Variants in OMA1 observed in about 807,000 individuals in gnomAD.
OMA1 encodes OMA1 zinc metallopeptidase.
Under a neutral mutation model 30.9 loss-of-function variants are expected in OMA1, and 38 were observed. That is an observed-to-expected ratio of 1.23 (90% CI 0.95 to 1.61). The LOEUF (loss-of-function observed/expected upper bound fraction) is 1.61, where lower values mean the gene tolerates loss of function less well. OMA1 is among the 40% of genes most tolerant of loss of function. OMA1 has a pLI of 0.00. For missense variants in OMA1, 461 were observed against 349.2 expected (o/e 1.32, Z -2.55); for synonymous variants, 173 against 121.9 (o/e 1.42, Z -2.76).
intron 7 of OMA1, among the ~76,000 whole-genome samples, chr1:58,519,835 A>G (rs1280675596): frequency 6.6e-6 from 1 of 152,250 alleles, no homozygotes; most frequent in African/African-American, 2.4e-5. Context: ...GAAATTTATA[A>G]AAGAGCATCA....
intron 8 of OMA1, among the ~76,000 whole-genome samples, chr1:58,493,814 A>C (rs1241319803): frequency 2.6e-5 from 4 of 152,110 alleles, no homozygotes; most frequent in African/African-American, 9.7e-5. Flanking sequence ...GGTAGGAAGA[A>C]TCAATATGGT....
chr1:58,497,195 C>T (rs1645817123), intron 8 of OMA1, among the ~76,000 whole-genome samples: 1 of 152,156 alleles, frequency 6.6e-6, no homozygotes, highest in African/African-American at 2.4e-5. Context: ...ATTATATGTA[C>T]TCACCAATTC....
intron 7 of OMA1, 53 bp from the exon 8 acceptor site, chr1:58,506,262 T>A (rs1001785250): frequency 1.9e-5 from 15 of 796,942 alleles, no homozygotes; most frequent in Middle Eastern, 2.4e-4. Flanking sequence ...GAGGATTTTT[T>A]AAAAACTACT....
chr1:58,543,737 G>A (rs562883459), intron 1 of OMA1, among the ~76,000 whole-genome samples: 157 of 151,998 alleles, frequency 1.0e-3, no homozygotes, highest in Non-Finnish European at 2.0e-3. Context: ...TCTGGCAAAG[G>A]GATATACAAA....
At chr1:58,499,268 T>C (rs1449013475) in intron 8 of OMA1, among the ~76,000 whole-genome samples, 1 of 130,924 alleles carries the variant, frequency 7.6e-6, no homozygotes, top group African/African-American at 3.0e-5. Flanking sequence ...GGTCAAAAAG[T>C]ATGAAGTTTT....
intron 7 of OMA1, among the ~76,000 whole-genome samples, chr1:58,514,671 T>C (rs1057324227): frequency 6.6e-6 from 1 of 152,158 alleles, no homozygotes; most frequent in East Asian, 1.9e-4. Context: ...TACAAAGGAT[T>C]GTGGCAGGGG....
chr1:58,526,227 A>C (rs887675016), intron 7 of OMA1, among the ~76,000 whole-genome samples: 2 of 152,088 alleles, frequency 1.3e-5, no homozygotes, highest in Non-Finnish European at 2.9e-5. Flanking sequence ...TTCTTAGTGC[A>C]CGCAGTCTGA....
At chr1:58,534,523 G>C (rs561003312) in intron 3 of OMA1, among the ~76,000 whole-genome samples, 192 bp from the exon 4 acceptor site, 5 of 152,112 alleles carry the variant, frequency 3.3e-5, no homozygotes, top group Non-Finnish European at 5.9e-5. Flanking sequence ...TCTTACAAAG[G>C]AATAAATTCT....
At chr1:58,489,034 A>T (rs1645627308) in intron 8 of OMA1, among the ~76,000 whole-genome samples, 1 of 152,194 alleles carries the variant, frequency 6.6e-6, no homozygotes, top group Non-Finnish European at 1.5e-5. Flanking sequence ...AAGACGAACG[A>T]TTTCTCCATT....
chr1:58,545,088 C>T (rs1455236138), intron 1 of OMA1, among the ~76,000 whole-genome samples: 1 of 152,138 alleles, frequency 6.6e-6, no homozygotes, highest in Non-Finnish European at 1.5e-5. Context: ...GAACCAGGCC[C>T]TCCTACTACT....
At chr1:58,492,299 A>C (rs960757777) in intron 8 of OMA1, among the ~76,000 whole-genome samples, 1 of 152,238 alleles carries the variant, frequency 6.6e-6, no homozygotes, top group African/African-American at 2.4e-5. Context: ...CTAAATGCTC[A>C]CAAAAGAAAG....
At chr1:58,509,477 T>C (rs1646039022) in intron 7 of OMA1, among the ~76,000 whole-genome samples, 1 of 141,468 alleles carries the variant, frequency 7.1e-6, no homozygotes, top group Non-Finnish European at 1.5e-5. Context: ...ATAACAAAAC[T>C]GATGGGATAC....
intron 8 of OMA1, among the ~76,000 whole-genome samples, chr1:58,502,026 T>A (rs1645915302): frequency 6.6e-6 from 1 of 152,206 alleles, no homozygotes; most frequent in East Asian, 1.9e-4. Flanking sequence ...TTATTTCACA[T>A]CACCTACAAC....
intron 7 of OMA1, among the ~76,000 whole-genome samples, chr1:58,510,851 T>C (rs1032266253): frequency 2.0e-5 from 3 of 151,798 alleles, no homozygotes; most frequent in African/African-American, 7.3e-5. Flanking sequence ...AAACAGGAAA[T>C]TAAGAAACAA....
intron 8 of OMA1, among the ~76,000 whole-genome samples, chr1:58,488,819 C>A (rs190294441): frequency 6.6e-6 from 1 of 152,232 alleles, no homozygotes; most frequent in South Asian, 2.1e-4. Context: ...CCACTGTATA[C>A]GTCTTATGCC....
At chr1:58,497,455 G>C (rs1204062222) in intron 8 of OMA1, among the ~76,000 whole-genome samples, 2 of 152,146 alleles carry the variant, frequency 1.3e-5, no homozygotes, top group Non-Finnish European at 2.9e-5. Context: ...ACTACTTTCT[G>C]AAATGCATAC....
intron 7 of OMA1, among the ~76,000 whole-genome samples, chr1:58,515,751 A>G (rs540636034): frequency 2.6e-5 from 4 of 152,338 alleles, no homozygotes; most frequent in Non-Finnish European, 5.9e-5. Flanking sequence ...AACCTGAAAA[A>G]TAAGAACTAA....
chr1:58,502,894 G>C (rs901373943), intron 8 of OMA1, among the ~76,000 whole-genome samples: 5 of 152,168 alleles, frequency 3.3e-5, no homozygotes, highest in African/African-American at 1.2e-4. Flanking sequence ...TTCAAATTAA[G>C]TTTCTGAACT....
chr1:58,530,531 T>A, intron 6 of OMA1, 70 bp downstream of exon 6: 1 of 753,104 alleles, frequency 1.3e-6, no homozygotes, highest in South Asian at 1.7e-5. Flanking sequence ...CTGGATTTGC[T>A]GCTTTACAGT....
Sources: allele counts gnomAD v4.1 joint callset (sites outside exome capture counted in the v4.1 genomes callset), GRCh38; gene constraint gnomAD v4.1.1; transcripts MANE v1.5; gene names NCBI Gene and HGNC (gene_info 2026-07-23, HGNC 2026-07-21).